Variants in PRKD3 observed in about 807,000 individuals in gnomAD.
The protein encoded by PRKD3 is serine/threonine-protein kinase D3.
Under a neutral mutation model 99.2 loss-of-function variants are expected in PRKD3, and 47 were observed. The ratio of observed to expected loss-of-function variants is 0.47; its 90% CI spans 0.38 to 0.60. PRKD3 has a LOEUF of 0.60. PRKD3 is among the 20% of genes least tolerant of loss of function. The pLI is 0.00. For missense variants in PRKD3, 1,019 were observed against 1,088.4 expected (o/e 0.94, Z 0.90); for synonymous variants, 392 against 355.4 (o/e 1.10, Z -1.16).
At chr2:37,316,152 T>G (rs1467754149) in intron 2 of PRKD3, 85 bp downstream of exon 2, 4 of 1,313,442 alleles carry the variant, frequency 3.0e-6, no homozygotes, top group African/African-American at 1.5e-5. Flanking sequence ...TGGATCAGTA[T>G]GTCTTAACTC....
At chr2:37,286,485 A>C in intron 5 of PRKD3, 116 bp from the exon 6 acceptor site, 1 of 855,638 alleles carries the variant, frequency 1.2e-6, no homozygotes, top group East Asian at 2.7e-5. Flanking sequence ...AACTCTAAAA[A>C]TGTTGTTCTC....
At chr2:37,261,648 C>T (rs894421517) in intron 14 of PRKD3, among the ~76,000 whole-genome samples, 17 of 151,806 alleles carry the variant, frequency 1.1e-4, no homozygotes, top group South Asian at 6.2e-4. Context: ...GGTGTGGTGG[C>T]GCAAGCCTGT....
chr2:37,274,493 T>C lies in PRKD3; in HGVS notation c.1579A>G (p.Ile527Val), dbSNP rs780386418. Residue 527 changes from isoleucine (I) to valine (V), a missense_variant, in exon 11 of 19, where the codon ATT becomes GTT. By Grantham distance (29) the Ile-to-Val change is conservative (BLOSUM62 3). Around this residue, in one of 3 missense-constraint regions of PRKD3, gnomAD observed 710 missense variants for 692.7 expected, o/e 1.02. Transcript: ENST00000234179. The part of the protein sequence containing the change: ...LDVAQSWEKA[I>V]RQALMPVTPQ... The stretch of plus-strand genomic sequence containing the variant: ...GTAACAGGCATGAGGGCTTGGCGAA[T>C]TGCTTTTTCCCAGCTCTGTGCTACA... The C allele has an allele frequency of 1.5e-5, 25 of 1,614,046 alleles. No homozygotes were observed. Among genetic ancestry groups the C allele is most frequent in the South Asian group, 2.2e-5 (2 of 91,094 alleles).
chr2:37,267,950 T>C, intron 13 of PRKD3: 1 of 190,318 alleles, frequency 5.3e-6, no homozygotes, highest in South Asian at 1.0e-4. Flanking sequence ...TCTGGGTGTC[T>C]CTATATTCTA....
intron 2 of PRKD3, among the ~76,000 whole-genome samples, chr2:37,308,084 C>T (rs149572762): frequency 9.2e-5 from 14 of 152,262 alleles, no homozygotes; most frequent in South Asian, 2.1e-4. Flanking sequence ...TCTTCCTGCA[C>T]GCTTGTTTAC....
chr2:37,275,681 A>G, intron 10 of PRKD3, 86 bp downstream of exon 10: 1 of 1,386,888 alleles, frequency 7.2e-7, no homozygotes, highest in Non-Finnish European at 9.6e-7. Context: ...AGTCATATAT[A>G]TTCAAATATA....
chr2:37,257,213 C>G (rs1668021811), intron 16 of PRKD3, among the ~76,000 whole-genome samples: 1 of 152,072 alleles, frequency 6.6e-6, no homozygotes, highest in Admixed American at 6.6e-5. Flanking sequence ...TATAAGTGTT[C>G]TGATTTCTTA....
rs1254383356 is a variant in PRKD3 at position 37,252,159 on chromosome 2, C to A, written c.*1018G>T. 6.6e-6 allele frequency: 1 copy of A among 152,206 alleles called. No individual in the cohort carries two copies. Among genetic ancestry groups the A allele is most frequent in the Non-Finnish European group, 1.5e-5 (1 of 68,044 alleles). 9.4% of individuals were successfully genotyped at this position (152,206 alleles called of 1,614,324 possible). A position where few individuals can be genotyped will look rare whatever the true frequency, so the allele number is the denominator to read the frequency against. On this transcript the variant is annotated 3_prime_UTR_variant, in exon 19 of 19. Coordinates refer to ENST00000234179, the MANE Select transcript of PRKD3 (RefSeq NM_005813.6). ...ATTGACTTTAAAACACTCCAGATAT[C>A]TGCAAAGCCCAATAGGCTAGGGGAA...
At chr2:37,274,154 C>T (rs984849439) in intron 11 of PRKD3, among the ~76,000 whole-genome samples, 13 of 152,090 alleles carry the variant, frequency 8.5e-5, no homozygotes, top group African/African-American at 2.4e-4. Context: ...AAAGTACTTG[C>T]CTGATCATAT....
At chr2:37,274,278 C>T (rs1558542787) in intron 11 of PRKD3, 143 bp downstream of exon 11, 2 of 883,986 alleles carry the variant, frequency 2.3e-6, no homozygotes, top group Non-Finnish European at 3.4e-6. Flanking sequence ...AAAGAGTTAA[C>T]TAATTGTATT....
chr2:37,313,266 T>C (rs550919846), intron 2 of PRKD3, among the ~76,000 whole-genome samples: 25 of 152,012 alleles, frequency 1.6e-4, no homozygotes, highest in East Asian at 9.7e-4. Flanking sequence ...TAAAACTCTA[T>C]TGACAACAGG....
intron 2 of PRKD3, among the ~76,000 whole-genome samples, chr2:37,314,373 T>A (rs1002871689): frequency 3.9e-5 from 6 of 152,202 alleles, no homozygotes; most frequent in African/African-American, 1.4e-4. Context: ...TTTTAAGCTA[T>A]ATCCTATTTC....
At chr2:37,324,492 C>G (rs1167157752) in intron 1 of PRKD3, 189 bp downstream of exon 1, 1 of 150,760 alleles carries the variant, frequency 6.6e-6, no homozygotes, top group South Asian at 2.1e-4. Context: ...CGGCTGACAC[C>G]GCCCAGCCCG....
chr2:37,309,568 C>T (rs952787283), intron 2 of PRKD3, among the ~76,000 whole-genome samples: 4 of 151,978 alleles, frequency 2.6e-5, no homozygotes, highest in African/African-American at 9.7e-5. Flanking sequence ...CATATTTGGC[C>T]AAGCACGGTG....
At chr2:37,280,016 G>T in intron 7 of PRKD3, 87 bp from the exon 8 acceptor site, 17 of 780,316 alleles carry the variant, frequency 2.2e-5, no homozygotes, top group South Asian at 5.8e-5. Flanking sequence ...GTCTTAAAAT[G>T]TAAGAAAATA....
rs557878689 is a variant in PRKD3, at chr2:37,289,410, G to A, written c.663C>T (p.Gly221=). ...RLSNVSLPGP[G]LSVPRPLQPE... ...GCTGTAGGGGTCTTGGAACTGAGAG[G>A]CCGGGTCCTGGTAAAGATACATTTG... is the stretch of plus-strand genomic sequence containing the variant. The change falls in exon 5 of 19, where the codon GGC becomes GGT. Residue 221 remains glycine, a synonymous_variant. Coordinates refer to ENST00000234179, the MANE Select transcript of PRKD3 (RefSeq NM_005813.6). The A allele has an allele frequency of 2.5e-6, 4 of 1,614,104 alleles. No individual in the cohort carries two copies. The highest frequency in any genetic ancestry group is 1.7e-5 in the Admixed American group (1 of 60,022).
At chr2:37,269,528 T>G in intron 13 of PRKD3, 87 bp downstream of exon 13, 2 of 1,185,104 alleles carry the variant, frequency 1.7e-6, no homozygotes, top group Non-Finnish European at 2.5e-6. Flanking sequence ...GACAAAACTA[T>G]GAGATGACAA....
chr2:37,302,988 C>T (rs182433509), intron 2 of PRKD3, among the ~76,000 whole-genome samples: 23 of 152,268 alleles, frequency 1.5e-4, no homozygotes, highest in Admixed American at 6.5e-4. Context: ...TTTTACCAAT[C>T]GAATGTTGCC....
At chr2:37,304,134 G>T (rs1671054559) in intron 2 of PRKD3, among the ~76,000 whole-genome samples, 1 of 139,234 alleles carries the variant, frequency 7.2e-6, no homozygotes, top group Non-Finnish European at 1.5e-5. Flanking sequence ...ATGAGGAAAA[G>T]AATATTCTCT....
Sources: gnomAD v4.1 joint callset for allele counts (sites outside exome capture counted in the v4.1 genomes callset) on GRCh38, gnomAD v4.1.1 for gene constraint, gnomAD v4.1.1 regional missense constraint, MANE v1.5 for transcripts, NCBI Gene and HGNC (gene_info 2026-07-23, HGNC 2026-07-21) for gene names.